GNG10: variants seen among roughly 807,000 people sequenced by gnomAD.
The protein encoded by GNG10 is G protein subunit gamma 10, also known as guanine nucleotide-binding protein G(I)/G(S)/G(O) subunit gamma-10.
In GNG10, 7 loss-of-function variants were observed where a neutral mutation model predicts 6.8. The ratio of observed to expected loss-of-function variants is 1.02; its 90% CI spans 0.58 to 1.92. The LOEUF (loss-of-function observed/expected upper bound fraction) is 1.92, where lower values mean the gene tolerates loss of function less well. Among genes scored for constraint, GNG10 ranks in the 30% most tolerant of loss-of-function variants. The pLI, the probability that GNG10 is intolerant of heterozygous loss-of-function variation, is 0.00. For missense variants in GNG10, 57 were observed against 86.1 expected (o/e 0.66, Z 1.34); for synonymous variants, 28 against 34.8 (o/e 0.80, Z 0.69).
intron 2 of GNG10, among the ~76,000 whole-genome samples, chr9:111,667,593 T>C (rs920246494): frequency 6.6e-6 from 1 of 152,182 alleles, no homozygotes; most frequent in African/African-American, 2.4e-5. Context: ...TGGGATTTGC[T>C]ACTTAGTGCT....
intron 1 of GNG10, among the ~76,000 whole-genome samples, chr9:111,662,124 C>T (rs907356946): frequency 1.3e-5 from 2 of 152,042 alleles, no homozygotes; most frequent in South Asian, 2.1e-4. Context: ...CCAGGATGCT[C>T]GGGTTTCTGT....
intron 1 of GNG10, among the ~76,000 whole-genome samples, chr9:111,663,359 C>T (rs1195707030): frequency 1.3e-5 from 2 of 151,886 alleles, no homozygotes; most frequent in African/African-American, 2.4e-5. Flanking sequence ...AGTAAGTTAG[C>T]AGGGGAGGTA....
In GNG10 at chr9:111,664,240, A is replaced by G. The variant is rs760300611; in HGVS notation, c.81+2525A>G. On this transcript the variant is annotated intron_variant, in intron 1 of 2. Coordinates refer to ENST00000374293, the MANE Select transcript of GNG10 (RefSeq NM_001017998.4). The stretch of plus-strand genomic sequence containing the variant: ...AGTAAGCTTATTTACAAATAGGATA[A>G]TAAGCCTATTTAAGAGGTGCGCTCA... Among the ~76,000 whole-genome samples the G allele has an allele frequency of 7.6e-4, 115 of 152,180 alleles. 2 individuals carry two copies. Among genetic ancestry groups the G allele is most frequent in the Non-Finnish European group, 2.8e-4 (19 of 68,026 alleles).
intron 2 of GNG10, among the ~76,000 whole-genome samples, chr9:111,668,610 G>A (rs1329791356): frequency 2.0e-5 from 3 of 151,618 alleles, no homozygotes; most frequent in African/African-American, 4.9e-5. Context: ...TCAGTCTCCC[G>A]AGTAGGTGGG....
chr9:111,666,706 T>TCTCAA, intron 1 of GNG10, 109 bp from the exon 2 acceptor site: 1 of 1,417,162 alleles, frequency 7.1e-7, no homozygotes, highest in Non-Finnish European at 9.3e-7. Context: ...CTTTTGGAGG[T>TCTCAA]CACAAAAAGT....
intron 2 of GNG10, among the ~76,000 whole-genome samples, chr9:111,667,956 A>G (rs528168353): frequency 6.6e-6 from 1 of 152,182 alleles, no homozygotes; most frequent in East Asian, 1.9e-4. Context: ...TCCTGGGTTC[A>G]AGCAATTCTC....
At chr9:111,662,102 G>A (rs905102927) in intron 1 of GNG10, among the ~76,000 whole-genome samples, 1 of 152,170 alleles carries the variant, frequency 6.6e-6, no homozygotes, top group Non-Finnish European at 1.5e-5. Context: ...ATGAGAGCGA[G>A]AGGGAGGAGA....
chr9:111,661,848 T>A lies in GNG10; in HGVS notation c.81+133T>A. 2.9e-6 allele frequency: 1 copy of A among 340,764 alleles called. No individual in the cohort carries two copies. Among genetic ancestry groups the A allele is most frequent in the Non-Finnish European group, 4.6e-6 (1 of 215,470 alleles). 21.1% of individuals were successfully genotyped at this position (340,764 alleles called of 1,614,324 possible). The stretch of plus-strand genomic sequence containing the variant: ...AGGCCTCGGCGGGGCGCGGGGGCGG[T>A]GGGGTCCGCGGTGAGGGAGGGCGCG... On this transcript the variant is annotated intron_variant, in intron 1 of 2. Coordinates refer to ENST00000374293, the MANE Select transcript of GNG10 (RefSeq NM_001017998.4). The surrounding 1 kb of genome is among the most constrained non-coding windows in gnomAD (Gnocchi z 6.1).
At chr9:111,665,788 G>A (rs1830886636) in intron 1 of GNG10, among the ~76,000 whole-genome samples, 1 of 151,826 alleles carries the variant, frequency 6.6e-6, no homozygotes, top group African/African-American at 2.4e-5. Context: ...GTGCAATGGT[G>A]CGATCTCGGC....
At chr9:111,668,161 G>GT (rs1396085239) in intron 2 of GNG10, among the ~76,000 whole-genome samples, 2 of 152,070 alleles carry the variant, frequency 1.3e-5, no homozygotes, top group South Asian at 2.1e-4. Context: ...GTGACACAAT[G>GT]TTTTTTTAAG....
Position 111,661,761 on chromosome 9 carries a change from C to A in GNG10, c.81+46C>A. On this transcript the variant is annotated intron_variant, in intron 1 of 2. Transcript: ENST00000374293. The surrounding 1 kb of genome is among the most constrained non-coding windows in gnomAD (Gnocchi z 6.1). ...CGCTCCGGTCCTTCCGCCCGCGGGG[C>A]GTGAGAAGAGGAGGCCGGCGGCCCG... 1 of 1,184,114 alleles carries A rather than the reference C, an allele frequency of 8.4e-7. No individual in the cohort carries two copies. 73.4% of individuals were successfully genotyped at this position (1,184,114 alleles called of 1,614,324 possible).
At chr9:111,668,150 C>T (rs1217814689) in intron 2 of GNG10, among the ~76,000 whole-genome samples, 1 of 152,088 alleles carries the variant, frequency 6.6e-6, no homozygotes, top group East Asian at 1.9e-4. Context: ...GGATTACAGG[C>T]GTGACACAAT....
In GNG10 at chr9:111,669,602, G is replaced by T. The variant is rs1830967929; in HGVS notation, c.*340G>T. 6.9e-6 allele frequency: 1 copy of T among 145,516 alleles called. No individual in the cohort carries two copies. The highest frequency in any genetic ancestry group is 2.6e-5 in the African/African-American group (1 of 38,678). The allele number at this position is 145,516 out of a possible 1,614,324, so 9.0% of individuals were successfully genotyped here. A position where few individuals can be genotyped will look rare whatever the true frequency, so the allele number is the denominator to read the frequency against. On this transcript the variant is annotated 3_prime_UTR_variant, in exon 3 of 3. Transcript: ENST00000374293. ...TTTCTATACCTGGAATATCATGTAT[G>T]TTTCATTTACTGGATGTTTACATTT...
At chr9:111,663,198 C>G (rs1830850373) in intron 1 of GNG10, among the ~76,000 whole-genome samples, 1 of 151,978 alleles carries the variant, frequency 6.6e-6, no homozygotes, top group Non-Finnish European at 1.5e-5. Context: ...GGGAGTGGCC[C>G]CTGAGCAGGC....
intron 1 of GNG10, among the ~76,000 whole-genome samples, chr9:111,665,175 T>C (rs1371363373): frequency 6.6e-6 from 1 of 152,016 alleles, no homozygotes; most frequent in Non-Finnish European, 1.5e-5. Context: ...TGAACAGCAA[T>C]TGGAACCATT....
intron 1 of GNG10, among the ~76,000 whole-genome samples, chr9:111,662,195 T>C (rs1830832193): frequency 6.6e-6 from 1 of 151,710 alleles, no homozygotes; most frequent in Non-Finnish European, 1.5e-5. Flanking sequence ...GGAACAGGTT[T>C]GGGGAAATGA....
At chr9:111,666,978 C>G in intron 2 of GNG10, 32 bp downstream of exon 2, 2 of 1,608,510 alleles carry the variant, frequency 1.2e-6, no homozygotes, top group Non-Finnish European at 1.7e-6. Flanking sequence ...TGTCTTGGGC[C>G]CATAGCATTA....
intron 1 of GNG10, among the ~76,000 whole-genome samples, chr9:111,663,408 G>A (rs772728256): frequency 8.5e-5 from 13 of 152,190 alleles, no homozygotes; most frequent in Non-Finnish European, 1.3e-4. Context: ...GGCAAGGCGT[G>A]TGAAGGTCTG....
At chr9:111,667,225 C>CT (rs1380029894) in intron 2 of GNG10, among the ~76,000 whole-genome samples, 12 of 148,074 alleles carry the variant, frequency 8.1e-5, no homozygotes, top group African/African-American at 1.2e-4. Flanking sequence ...GTAGTAATTT[C>CT]TTCCTTTCTT....
Sources: gnomAD v4.1 joint callset for allele counts (sites outside exome capture counted in the v4.1 genomes callset) on GRCh38, gnomAD v4.1.1 for gene constraint, Gnocchi (gnomAD v3.1) non-coding constraint, MANE v1.5 for transcripts, NCBI Gene and HGNC (gene_info 2026-07-23, HGNC 2026-07-21) for gene names.